Variants in PTK2 observed in about 807,000 individuals in gnomAD.
The protein encoded by PTK2 is focal adhesion kinase 1.
Under a neutral mutation model 150.1 loss-of-function variants are expected in PTK2, and 45 were observed. That is an observed-to-expected ratio of 0.30 (90% CI 0.24 to 0.38). PTK2 has a LOEUF of 0.38. Ranked by LOEUF, PTK2 falls within the 10% of genes least tolerant of loss-of-function variation. The probability of loss-of-function intolerance (pLI) is 1.00; values close to 1 mark genes in which losing one functional copy is unlikely to be tolerated. For synonymous variants in PTK2, 432 were observed against 449.2 expected (o/e 0.96, Z 0.48); for missense variants, 919 against 1,307.3 (o/e 0.70, Z 4.58).
Position 140,818,776 on chromosome 8 carries a change from AT to A in PTK2, c.789+103del, listed in dbSNP as rs2100106297. 8.9e-6 allele frequency: 11 copies of A among 1,232,062 alleles called. No individual in the cohort carries two copies. The South Asian group carries it at 1.2e-4, about 14-fold the overall frequency. 76.3% of individuals were successfully genotyped at this position (1,232,062 alleles called of 1,614,324 possible). The stretch of plus-strand genomic sequence containing the variant: ...AAAAAATATCATTTTATTGAAAAAA[AT>A]GGGACAAGTTAGCATTTTTTCATCA... On this transcript the variant is annotated intron_variant, in intron 9 of 31. Transcript: ENST00000522684.
At chr8:140,687,771 T>G (rs1448578907) in intron 26 of PTK2, among the ~76,000 whole-genome samples, 2 of 152,178 alleles carry the variant, frequency 1.3e-5, no homozygotes, top group Admixed American at 6.5e-5. Context: ...TGCCAGGGTG[T>G]AGTAGGAAGT....
At chr8:140,867,227 T>C (rs1466294052) in intron 4 of PTK2, among the ~76,000 whole-genome samples, 2 of 152,210 alleles carry the variant, frequency 1.3e-5, no homozygotes, top group African/African-American at 2.4e-5. Context: ...GTATACACCA[T>C]GCAGAAGAGA....
At chr8:140,918,283 A>C (rs1047820069) in intron 2 of PTK2, among the ~76,000 whole-genome samples, 1 of 152,214 alleles carries the variant, frequency 6.6e-6, no homozygotes, top group Non-Finnish European at 1.5e-5. Context: ...AGAAATCAAG[A>C]GATCAGATCA....
At chr8:140,788,768 T>C (rs1391933899) in intron 14 of PTK2, among the ~76,000 whole-genome samples, 1 of 152,156 alleles carries the variant, frequency 6.6e-6, no homozygotes, top group African/African-American at 2.4e-5. Flanking sequence ...ATTTCAGAAA[T>C]GTAACATATA....
chr8:140,938,095 A>T (rs988688353), intron 1 of PTK2, among the ~76,000 whole-genome samples: 8 of 152,314 alleles, frequency 5.3e-5, no homozygotes, highest in African/African-American at 1.9e-4. Context: ...CACAGTACAA[A>T]ATCGAGAGTA....
At chr8:140,801,185 G>C (rs2100094809) in intron 11 of PTK2, among the ~76,000 whole-genome samples, 1 of 152,206 alleles carries the variant, frequency 6.6e-6, no homozygotes, top group Admixed American at 6.5e-5. Flanking sequence ...CGAGGCATCA[G>C]CCTAAGTGAG....
At chr8:140,985,536 T>C (rs1443311673) in intron 1 of PTK2, among the ~76,000 whole-genome samples, 1 of 152,194 alleles carries the variant, frequency 6.6e-6, no homozygotes, top group Non-Finnish European at 1.5e-5. Context: ...ATCCAGGCTT[T>C]TGCCCATGTT....
At chr8:140,771,344 A>G (rs2100075384) in intron 14 of PTK2, 1 of 152,308 alleles carries the variant, frequency 6.6e-6, no homozygotes, top group African/African-American at 2.4e-5. Context: ...TACTAGCATT[A>G]CGGATTCATT....
chr8:140,964,868 T>C (rs2100184702), intron 1 of PTK2, among the ~76,000 whole-genome samples: 1 of 152,162 alleles, frequency 6.6e-6, no homozygotes, highest in Non-Finnish European at 1.5e-5. Context: ...TGCTTGCCCT[T>C]AATGAGTTTC....
At position 140,848,548 on chromosome 8, in the gene PTK2, A is replaced by G. The variant is rs547440733; in HGVS notation, c.451-1870T>C. ...TTTTCCCTCCTTTACAAGGAACAAGAGTTTCTACTCCTTCCACAAAGCAGG... is the reference window on the plus strand; with the variant it reads ...TTTTCCCTCCTTTACAAGGAACAAGGGTTTCTACTCCTTCCACAAAGCAGG... On this transcript the variant is annotated intron_variant, in intron 5 of 31. Coordinates refer to ENST00000522684, the Ensembl canonical transcript of PTK2. Among the ~76,000 whole-genome samples the G allele has an allele frequency of 2.6e-5, 4 of 152,308 alleles. No individual in the cohort carries two copies. The East Asian group carries it at 5.8e-4, about 22-fold the overall frequency.
At chr8:140,929,626 T>C (rs2100170996) in intron 1 of PTK2, among the ~76,000 whole-genome samples, 1 of 152,144 alleles carries the variant, frequency 6.6e-6, no homozygotes, top group African/African-American at 2.4e-5. Context: ...AAGTAAAATG[T>C]CAAAGCCGCA....
intron 1 of PTK2, among the ~76,000 whole-genome samples, chr8:140,986,416 A>C (rs933015821): frequency 3.3e-5 from 5 of 152,248 alleles, no homozygotes; most frequent in Admixed American, 6.5e-5. Context: ...TATTTTTATA[A>C]TCTTAAAAGC....
At chr8:140,662,731 C>T (rs371274644) in intron 31 of PTK2, 13 of 590,574 alleles carry the variant, frequency 2.2e-5, no homozygotes, top group African/African-American at 1.8e-4. Flanking sequence ...CCCTGGACAT[C>T]GTATGTCTCT....
At chr8:140,741,411 C>T (rs1372902190) in intron 20 of PTK2, among the ~76,000 whole-genome samples, 2 of 146,250 alleles carry the variant, frequency 1.4e-5, no homozygotes, top group South Asian at 2.2e-4. Flanking sequence ...GCCCAGATAG[C>T]GCCACTGCAC....
intron 23 of PTK2, among the ~76,000 whole-genome samples, chr8:140,710,598 G>A (rs912000667): frequency 3.9e-5 from 6 of 152,004 alleles, no homozygotes; most frequent in Admixed American, 2.6e-4. Context: ...TTGAACCCGG[G>A]AGGTAGAGGT....
At chr8:140,989,726 T>C (rs1159582619) in intron 1 of PTK2, among the ~76,000 whole-genome samples, 2 of 151,698 alleles carry the variant, frequency 1.3e-5, no homozygotes, top group Non-Finnish European at 2.9e-5. Flanking sequence ...CTGACCAACA[T>C]ACAGAAACCT....
chr8:140,842,481 T>C (rs986337161), intron 7 of PTK2, among the ~76,000 whole-genome samples: 1 of 152,088 alleles, frequency 6.6e-6, no homozygotes, highest in Admixed American at 6.6e-5. Flanking sequence ...ACATAAATTA[T>C]CTCATCTAAC....
chr8:140,713,494 C>T (rs944264975), intron 23 of PTK2, among the ~76,000 whole-genome samples: 1 of 152,176 alleles, frequency 6.6e-6, no homozygotes, highest in African/African-American at 2.4e-5. Context: ...AACTCCTGGC[C>T]TCAAGTGATC....
intron 4 of PTK2, among the ~76,000 whole-genome samples, chr8:140,864,618 A>T (rs770290692): frequency 6.6e-6 from 1 of 152,224 alleles, no homozygotes; most frequent in Non-Finnish European, 1.5e-5. Flanking sequence ...ATTCAAGGAA[A>T]CAGAGCATAG....
Sources: gnomAD v4.1 joint callset for allele counts (sites outside exome capture counted in the v4.1 genomes callset) on GRCh38, gnomAD v4.1.1 for gene constraint, MANE v1.5 for transcripts, NCBI Gene and HGNC (gene_info 2026-07-23, HGNC 2026-07-21) for gene names.